HMMR: variants seen among roughly 807,000 people sequenced by gnomAD.
HMMR encodes the protein hyaluronan mediated motility receptor.
A neutral mutation model predicts 101.0 loss-of-function variants in HMMR; 108 were observed. The observed-to-expected ratio is 1.07, with a 90% confidence interval of 0.92 to 1.25. The LOEUF (loss-of-function observed/expected upper bound fraction) is 1.25, where lower values mean the gene tolerates loss of function less well. HMMR is among the 50% of genes most tolerant of loss of function. The probability of loss-of-function intolerance (pLI) is 0.00; values close to 1 mark genes in which losing one functional copy is unlikely to be tolerated. For missense variants in HMMR, 813 were observed against 788.7 expected (o/e 1.03, Z -0.37); for synonymous variants, 296 against 276.4 (o/e 1.07, Z -0.70).
In HMMR at chr5:163,478,735, GCTTTTGCAGGAAA is replaced by G; in HGVS notation, c.1321_1333del (p.Leu441SerfsTer22). On this transcript the variant is annotated frameshift_variant, in exon 12 of 18. Coordinates refer to ENST00000393915, the MANE Select transcript of HMMR (RefSeq NM_001142556.2). LOFTEE classifies it high-confidence loss of function. The stretch of plus-strand genomic sequence containing the variant: ...GTGCTGCTCATACCCAGGCCACCCT[GCTTTTGCAGGAAA>G]AGTATGACAGTATGGTGCAAAGCCT... 6.2e-7 allele frequency: 1 copy of G among 1,613,628 alleles called. No homozygotes were observed. The highest frequency in any genetic ancestry group is 8.5e-7 in the Non-Finnish European group (1 of 1,179,560).
rs764059220 is a variant in HMMR at position 163,483,316 on chromosome 5, C to G, written c.1734C>G (p.Asn578Lys). 4.3e-6 allele frequency: 7 copies of G among 1,609,818 alleles called. No individual in the cohort carries two copies. Among genetic ancestry groups the G allele is most frequent in the African/African-American group, 1.3e-5 (1 of 74,828 alleles). The change falls in exon 15 of 18, where the codon AAC becomes AAG. Residue 578 changes from asparagine to lysine, a missense_variant. Physicochemically the swap from Asn to Lys is moderately conservative, Grantham distance 94. Transcript: ENST00000393915. Reference protein sequence around the residue: ...NTTAELTEEINKWRLLYEELY... With the variant: ...NTTAELTEEIKKWRLLYEELY... ...CAGCAGAATTAACTGAAGAAATTAA[C>G]AAGTGGCGTCTCCTCTATGAAGAAC...
At chr5:163,468,114 G>A (rs986238158) in intron 4 of HMMR, among the ~76,000 whole-genome samples, 29 of 152,176 alleles carry the variant, frequency 1.9e-4, no homozygotes, top group Non-Finnish European at 4.0e-4. Context: ...GGATTTCTTA[G>A]TGAGCATGCA....
intron 16 of HMMR, among the ~76,000 whole-genome samples, chr5:163,489,688 CCT>C (rs1334142617): frequency 6.6e-6 from 1 of 152,132 alleles, no homozygotes; most frequent in Non-Finnish European, 1.5e-5. Flanking sequence ...AAGGTGAGCC[CCT>C]GTTCCATGAA....
intron 10 of HMMR, chr5:163,474,716 A>G (rs886149225): frequency 5.1e-6 from 2 of 394,304 alleles, no homozygotes; most frequent in Admixed American, 3.5e-5. Context: ...TATTTTTTTC[A>G]CTTACAAAAT....
chr5:163,481,740 CT>C (rs992517249), intron 12 of HMMR, among the ~76,000 whole-genome samples: 1 of 152,098 alleles, frequency 6.6e-6, no homozygotes, highest in Admixed American at 6.5e-5. Context: ...CAAAAGAGAT[CT>C]TGTGTCTTTC....
chr5:163,482,370 A>G (rs1218915888), intron 12 of HMMR, among the ~76,000 whole-genome samples: 1 of 151,930 alleles, frequency 6.6e-6, no homozygotes, highest in Non-Finnish European at 1.5e-5. Flanking sequence ...AGTAATTTTC[A>G]TGCTTGGTAG....
chr5:163,482,592 C>T, intron 12 of HMMR, 50 bp from the exon 13 acceptor site: 2 of 1,320,782 alleles, frequency 1.5e-6, no homozygotes, highest in South Asian at 1.2e-5. Context: ...TTATGATTGT[C>T]ATACGCAATA....
Position 163,474,203 on chromosome 5 carries a change from A to T in HMMR, c.1051A>T (p.Lys351Ter). ...LQIDSLLQQE[K>*]ELSSSLHQKL... Reference sequence around the variant, plus strand: ...AATTGATTCACTTCTGCAACAAGAGAAAGTAATTTACCACCATATTTTTTT... The same window carrying T: ...AATTGATTCACTTCTGCAACAAGAGTAAGTAATTTACCACCATATTTTTTT... Residue 351 changes from lysine to a stop codon, truncating the protein, a stop_gained and splice_region_variant, in exon 10 of 18, where the codon AAA becomes TAA. Coordinates refer to ENST00000393915, the MANE Select transcript of HMMR (RefSeq NM_001142556.2). LOFTEE classifies it high-confidence loss of function. The T allele has an allele frequency of 6.2e-7, 1 of 1,600,110 alleles. No individual in the cohort carries two copies. Among genetic ancestry groups the T allele is most frequent in the Non-Finnish European group, 8.5e-7 (1 of 1,173,996 alleles).
intron 5 of HMMR, 55 bp from the exon 6 acceptor site, chr5:163,471,130 A>T: frequency 9.1e-7 from 1 of 1,103,044 alleles, no homozygotes; most frequent in Non-Finnish European, 1.4e-6. Flanking sequence ...TGTGTATTTT[A>T]AATATGTCTT....
At chr5:163,470,852 A>G (rs1304239888) in intron 5 of HMMR, among the ~76,000 whole-genome samples, 1 of 151,992 alleles carries the variant, frequency 6.6e-6, no homozygotes, top group Non-Finnish European at 1.5e-5. Context: ...TTAGCTAGGC[A>G]TGGTGGTGGT....
At position 163,491,148 on chromosome 5, in the gene HMMR, A is replaced by G. The variant is rs1036958665; in HGVS notation, c.2162A>G (p.Gln721Arg). ...TNCYRAPMEC[Q>R]ESWK ...TGTTACCGAGCTCCTATGGAGTGTCAAGAATCATGGAAGTAAACATCTGAG... is the reference window on the plus strand; with the variant it reads ...TGTTACCGAGCTCCTATGGAGTGTCGAGAATCATGGAAGTAAACATCTGAG... The change falls in exon 18 of 18, where the codon CAA becomes CGA. Residue 721 changes from glutamine (Q) to arginine (R), a missense_variant. Physicochemically the swap from Gln to Arg is conservative, Grantham distance 43. Transcript: ENST00000393915. The G allele has an allele frequency of 1.9e-6, 3 of 1,565,752 alleles. No homozygotes were observed. Among genetic ancestry groups the G allele is most frequent in the Admixed American group, 3.7e-5 (2 of 54,290 alleles).
chr5:163,474,867 C>T (rs1182245346), intron 10 of HMMR, among the ~76,000 whole-genome samples: 1 of 151,966 alleles, frequency 6.6e-6, no homozygotes, highest in East Asian at 1.9e-4. Flanking sequence ...TATACACTGA[C>T]CTGGAAAGAT....
intron 12 of HMMR, among the ~76,000 whole-genome samples, chr5:163,481,558 A>C (rs1177359748): frequency 6.6e-6 from 1 of 152,144 alleles, no homozygotes; most frequent in Non-Finnish European, 1.5e-5. Context: ...TGTCCAAACC[A>C]ACTCTTGATC....
At chr5:163,474,000 T>A in intron 9 of HMMR, 57 bp from the exon 10 acceptor site, 1 of 1,405,946 alleles carries the variant, frequency 7.1e-7, no homozygotes, top group East Asian at 2.3e-5. Context: ...AGTCCAGGTT[T>A]CTCAGTCTTA....
At position 163,469,644 on chromosome 5, in the gene HMMR, C is replaced by A; in HGVS notation, c.277C>A (p.Arg93Ser). The A allele has an allele frequency of 6.2e-7, 1 of 1,607,382 alleles. No individual in the cohort carries two copies. The highest frequency in any genetic ancestry group is 1.1e-5 in the South Asian group (1 of 90,042). ...KDLKILEKEIRVLLQERGAQD... is the reference protein window; with the variant it reads ...KDLKILEKEISVLLQERGAQD... The stretch of plus-strand genomic sequence containing the variant: ...TTATCACCTTGTTTTTGTCCAGATT[C>A]GTGTTCTTCTACAGGAACGTGGTGC... The change falls in exon 5 of 18, where the codon CGT becomes AGT. Residue 93 changes from arginine to serine, a missense_variant. Transcript: ENST00000393915.
chr5:163,467,787 TAGAAAG>T (rs772045545), intron 4 of HMMR, 39 bp downstream of exon 4: 6 of 1,216,160 alleles, frequency 4.9e-6, no homozygotes, highest in Non-Finnish European at 6.1e-6. Context: ...GTACACATGA[TAGAAAG>T]AGAGTTACAC....
At position 163,461,677 on chromosome 5, in the gene HMMR, A is replaced by G. The variant is rs565650760; in HGVS notation, c.46+939A>G. Among the ~76,000 whole-genome samples, 248 of 151,990 alleles carry G rather than the reference A, an allele frequency of 1.6e-3. 2 individuals are homozygous for G. Among genetic ancestry groups the G allele is most frequent in the South Asian group, 4.0e-3 (19 of 4,796 alleles). On this transcript the variant is annotated intron_variant, in intron 1 of 17. Transcript: ENST00000393915. ...CGGGCGCCTGTAGTCCCAGCTGACT[A>G]CAGGCTGAGGCAGGAGAATGGCGTG...
chr5:163,470,098 G>T (rs1247938592), intron 5 of HMMR, among the ~76,000 whole-genome samples: 1 of 152,112 alleles, frequency 6.6e-6, no homozygotes, highest in East Asian at 1.9e-4. Flanking sequence ...AACCCAGGAG[G>T]TGGAGGTTGC....
chr5:163,468,495 T>C (rs1180601485), intron 4 of HMMR, among the ~76,000 whole-genome samples: 1 of 152,218 alleles, frequency 6.6e-6, no homozygotes, highest in East Asian at 1.9e-4. Flanking sequence ...GCTGACCAAC[T>C]CTTTTCCTCA....
Sources: gnomAD v4.1 joint callset for allele counts (sites outside exome capture counted in the v4.1 genomes callset) on GRCh38, gnomAD v4.1.1 for gene constraint, MANE v1.5 for transcripts, NCBI Gene and HGNC (gene_info 2026-07-23, HGNC 2026-07-21) for gene names.